Variants in HDAC9 observed in about 807,000 individuals in gnomAD.
The protein encoded by HDAC9 is MEF-2 interacting transcription repressor (MITR) protein.
In HDAC9, 41 loss-of-function variants were observed where a neutral mutation model predicts 139.4. The ratio of observed to expected loss-of-function variants is 0.29; its 90% confidence interval spans 0.23 to 0.38. The LOEUF (loss-of-function observed/expected upper bound fraction) is 0.38, where lower values mean the gene tolerates loss of function less well. HDAC9 is among the 10% of genes least tolerant of loss of function. The pLI, the probability that HDAC9 is intolerant of heterozygous loss-of-function variation, is 1.00. For synonymous variants in HDAC9, 517 were observed against 476.2 expected (o/e 1.09, Z -1.12); for missense variants, 1,147 against 1,297.0 (o/e 0.88, Z 1.78).
chr7:18,874,159 T>G (rs946213574), intron 21 of HDAC9, among the ~76,000 whole-genome samples: 1 of 151,972 alleles, frequency 6.6e-6, no homozygotes, highest in Non-Finnish European at 1.5e-5. Context: ...AGAAGCAGTT[T>G]TTTATAGGCA....
intron 21 of HDAC9, among the ~76,000 whole-genome samples, chr7:18,869,992 A>T (rs1033696882): frequency 1.3e-4 from 20 of 150,992 alleles, no homozygotes; most frequent in Admixed American, 5.3e-4. Flanking sequence ...CTATAATTTT[A>T]TTTATTTTGA....
intron 23 of HDAC9, among the ~76,000 whole-genome samples, chr7:18,944,285 T>C (rs1413863019): frequency 1.3e-5 from 2 of 152,210 alleles, no homozygotes; most frequent in Non-Finnish European, 2.9e-5. Flanking sequence ...TATCTTTGAC[T>C]CTGACAACTG....
intron 1 of HDAC9, among the ~76,000 whole-genome samples, chr7:18,467,862 A>G (rs953659956): frequency 6.6e-6 from 1 of 152,094 alleles, no homozygotes; most frequent in Non-Finnish European, 1.5e-5. Context: ...GCCATCATAT[A>G]TATCCTTGCC....
chr7:18,548,955 A>C (rs1816159354), intron 2 of HDAC9, among the ~76,000 whole-genome samples: 1 of 152,146 alleles, frequency 6.6e-6, no homozygotes, highest in Non-Finnish European at 1.5e-5. Context: ...GATATAAAAA[A>C]TAGGCCAGGT....
intron 2 of HDAC9, among the ~76,000 whole-genome samples, chr7:18,567,890 T>C (rs1247624954): frequency 1.3e-5 from 2 of 151,824 alleles, no homozygotes; most frequent in African/African-American, 4.8e-5. Flanking sequence ...ACCCACACAT[T>C]AACAAACATT....
intron 12 of HDAC9, among the ~76,000 whole-genome samples, chr7:18,705,419 G>A (rs972254669): frequency 4.6e-5 from 7 of 152,020 alleles, no homozygotes; most frequent in African/African-American, 9.7e-5. Context: ...CTCCCCACCC[G>A]AGCCACACAC....
At chr7:18,599,716 A>G (rs1320525595) in intron 6 of HDAC9, among the ~76,000 whole-genome samples, 1 of 152,186 alleles carries the variant, frequency 6.6e-6, no homozygotes, top group Non-Finnish European at 1.5e-5. Flanking sequence ...GTTGCTTCCA[A>G]ATTTTGGTGA....
At chr7:18,620,352 A>T (rs554378650) in intron 6 of HDAC9, among the ~76,000 whole-genome samples, 2 of 152,206 alleles carry the variant, frequency 1.3e-5, no homozygotes, top group East Asian at 3.9e-4. Context: ...TTTTAAACTG[A>T]ATCACACTGA....
chr7:18,758,753 C>T (rs1358751280), intron 14 of HDAC9, among the ~76,000 whole-genome samples: 4 of 151,740 alleles, frequency 2.6e-5, no homozygotes, highest in Non-Finnish European at 4.4e-5. Context: ...AATTTCAAAA[C>T]ATGCTTTTTC....
chr7:18,723,848 GC>G (rs1785322901), intron 12 of HDAC9, among the ~76,000 whole-genome samples: 3 of 152,058 alleles, frequency 2.0e-5, no homozygotes, highest in Admixed American at 2.0e-4. Flanking sequence ...AAGAAACATG[GC>G]CTTTCATTTC....
At chr7:18,107,530 G>T (rs932848882) in intron 1 of HDAC9, among the ~76,000 whole-genome samples, 1 of 150,020 alleles carries the variant, frequency 6.7e-6, no homozygotes, top group Non-Finnish European at 1.5e-5. Context: ...TCTCTCACAC[G>T]CACACACACA....
intron 1 of HDAC9, among the ~76,000 whole-genome samples, chr7:18,484,720 G>GTGA (rs1257129606): frequency 6.6e-6 from 1 of 152,074 alleles, no homozygotes; most frequent in African/African-American, 2.4e-5. Flanking sequence ...ACCAGGCATG[G>GTGA]TGATGCATGC....
chr7:18,945,764 C>T (rs112252479), intron 23 of HDAC9, among the ~76,000 whole-genome samples: 19,526 of 151,930 alleles, frequency 0.13, 1,417 homozygotes, highest in South Asian at 0.21. Flanking sequence ...TTCAGCCAGG[C>T]ACAGTGGCTC....
chr7:18,793,543 G>T (rs1792516787), intron 17 of HDAC9, 91 bp downstream of exon 17: 3 of 840,772 alleles, frequency 3.6e-6, no homozygotes, highest in Non-Finnish European at 5.9e-6. Flanking sequence ...AGTGTGGCGT[G>T]GTAATAAAAG....
chr7:18,951,097 C>T (rs1488176119), intron 23 of HDAC9, among the ~76,000 whole-genome samples: 1 of 151,908 alleles, frequency 6.6e-6, no homozygotes, highest in Non-Finnish European at 1.5e-5. Context: ...GAATATCCCT[C>T]GCCTCTTTCT....
intron 13 of HDAC9, among the ~76,000 whole-genome samples, chr7:18,746,831 T>C (rs1346340912): frequency 1.3e-5 from 2 of 152,184 alleles, no homozygotes; most frequent in Non-Finnish European, 2.9e-5. Flanking sequence ...GAAGAAAATA[T>C]ACAATTAACA....
intron 2 of HDAC9, among the ~76,000 whole-genome samples, 193 bp from the exon 3 acceptor site, chr7:18,585,088 G>A (rs1051187861): frequency 1.3e-5 from 2 of 152,148 alleles, no homozygotes; most frequent in Admixed American, 6.5e-5. Flanking sequence ...ATGAAAATTA[G>A]CCTATGGCCC....
intron 21 of HDAC9, among the ~76,000 whole-genome samples, chr7:18,872,563 G>C (rs895051979): frequency 6.6e-6 from 1 of 152,102 alleles, no homozygotes; most frequent in Non-Finnish European, 1.5e-5. Context: ...GGTATTTTCT[G>C]CTTTTTCAGT....
chr7:18,342,012 G>A (rs965367134), intron 1 of HDAC9, among the ~76,000 whole-genome samples: 3 of 151,806 alleles, frequency 2.0e-5, no homozygotes, highest in African/African-American at 7.3e-5. Flanking sequence ...CGTGATCAAA[G>A]AGGCTTTCCT....
Sources: allele counts gnomAD v4.1 joint callset (sites outside exome capture counted in the v4.1 genomes callset), GRCh38; gene constraint gnomAD v4.1.1; transcripts MANE v1.5; gene names NCBI Gene and HGNC (gene_info 2026-07-23, HGNC 2026-07-21).